The following PLEKHG1 variants were observed in gnomAD, a reference collection of about 807,000 sequenced individuals.
The protein encoded by PLEKHG1 is pleckstrin homology and RhoGEF domain containing G1, also known as pleckstrin homology domain-containing family G member 1.
PLEKHG1 carries 44 observed loss-of-function variants against 100.8 expected under a neutral mutation model. The observed-to-expected ratio is 0.44, with a 90% confidence interval of 0.34 to 0.56. The LOEUF is 0.56. Among genes scored for constraint, PLEKHG1 ranks in the 20% least tolerant of loss-of-function variants. The pLI is 0.01. For synonymous variants in PLEKHG1, 640 were observed against 662.5 expected (o/e 0.97, Z 0.52); for missense variants, 1,545 against 1,720.9 (o/e 0.90, Z 1.81).
At chr6:150,715,933 C>T (rs1328153605) in intron 3 of PLEKHG1, among the ~76,000 whole-genome samples, 3 of 147,682 alleles carry the variant, frequency 2.0e-5, no homozygotes, top group Non-Finnish European at 4.5e-5. Flanking sequence ...ACGGTGAAAC[C>T]CCGTCTCTAC....
intron 1 of PLEKHG1, among the ~76,000 whole-genome samples, chr6:150,607,880 A>G (rs571356952): frequency 2.0e-5 from 3 of 152,252 alleles, no homozygotes; most frequent in Admixed American, 1.3e-4. Flanking sequence ...ACTTTGGGAA[A>G]TATTTGGAAG....
intron 3 of PLEKHG1, among the ~76,000 whole-genome samples, chr6:150,671,110 T>TATATATATATATATATAC: frequency 8.2e-6 from 1 of 121,960 alleles, no homozygotes; most frequent in Non-Finnish European, 1.8e-5. Context: ...TATATATATA[T>TATATATATATATATATAC]ACACACACAC....
intron 1 of PLEKHG1, among the ~76,000 whole-genome samples, chr6:150,727,598 A>G (rs984596566): frequency 1.4e-5 from 2 of 138,972 alleles, no homozygotes; most frequent in Non-Finnish European, 3.1e-5. Flanking sequence ...TTTATTAAGG[A>G]TGGCACAAAA....
In PLEKHG1 at chr6:150,840,399, G is replaced by T. The variant is rs1268012695; in HGVS notation, c.3661G>T (p.Asp1221Tyr). The change falls in exon 16 of 16, where the codon GAC becomes TAC. Residue 1221 changes from aspartate (D) to tyrosine (Y), a missense_variant. Coordinates refer to ENST00000358517, the Ensembl canonical transcript of PLEKHG1. ...AAGTTCAAGGTGTGAGAGTCACCAGGACTTGCTGCCAGATATTGCTGACTC... is the reference window on the plus strand; with the variant it reads ...AAGTTCAAGGTGTGAGAGTCACCAGTACTTGCTGCCAGATATTGCTGACTC... The T allele has an allele frequency of 1.2e-5, 20 of 1,614,032 alleles. No individual in the cohort carries two copies. The Admixed American group carries it at 3.3e-4, about 27-fold the overall frequency.
intron 7 of PLEKHG1, 65 bp from the exon 9 acceptor site, chr6:150,809,040 G>A: frequency 4.9e-6 from 7 of 1,421,948 alleles, no homozygotes; most frequent in Non-Finnish European, 6.8e-6. Context: ...CAACAGATGG[G>A]CCACCAAGCC....
chr6:150,761,091 CTTTTTTTCTTTT>C (rs1289399492), intron 2 of PLEKHG1, among the ~76,000 whole-genome samples: 1 of 123,632 alleles, frequency 8.1e-6, no homozygotes, highest in African/African-American at 3.0e-5. Flanking sequence ...TGATTTCTTT[CTTTTTTTCTTTT>C]TTTTTTTTTT....
intron 7 of PLEKHG1, among the ~76,000 whole-genome samples, chr6:150,806,769 G>A (rs920574446): frequency 1.4e-5 from 2 of 142,422 alleles, no homozygotes; most frequent in Admixed American, 7.4e-5. Flanking sequence ...CAGAGAGGTT[G>A]CAGTGAGCTG....
intron 2 of PLEKHG1, among the ~76,000 whole-genome samples, chr6:150,741,839 G>T (rs1027294684): frequency 2.6e-5 from 4 of 152,198 alleles, no homozygotes; most frequent in Admixed American, 2.6e-4. Flanking sequence ...AGACGTTCTG[G>T]ACTGCATAGT....
chr6:150,640,717 A>G (rs1378374919), intron 2 of PLEKHG1, among the ~76,000 whole-genome samples: 2 of 152,060 alleles, frequency 1.3e-5, no homozygotes, highest in East Asian at 3.9e-4. Flanking sequence ...ACAATTTCCC[A>G]AAACTGCTCT....
At position 150,600,774 on chromosome 6, in the gene PLEKHG1, G is replaced by A. The variant is rs2128548266; in HGVS notation, c.-204+757G>A. On this transcript the variant is annotated intron_variant, in intron 1 of 3. Coordinates refer to the PLEKHG1 transcript ENST00000367326. The surrounding 1 kb of genome is among the most constrained non-coding windows in gnomAD (Gnocchi z 6.2). ...GGTGAGCCCCGTTCCGAAGCCGGAA[G>A]CTTGGGAACGCTCTAACTGGGAGAA... 1 of 152,416 alleles carries A rather than the reference G, an allele frequency of 6.6e-6. No homozygotes were observed. The highest frequency in any genetic ancestry group is 2.4e-5 in the African/African-American group (1 of 41,596). 9.4% of individuals were successfully genotyped at this position (152,416 alleles called of 1,614,324 possible). A position where few individuals can be genotyped will look rare whatever the true frequency, so the allele number is the denominator to read the frequency against.
chr6:150,835,674 T>A (rs967965120), intron 15 of PLEKHG1, among the ~76,000 whole-genome samples: 1 of 152,192 alleles, frequency 6.6e-6, no homozygotes, highest in Non-Finnish European at 1.5e-5. Flanking sequence ...CATCTCAGGC[T>A]GGCTGTTCCC....
chr6:150,713,687 C>T (rs1015301101), intron 3 of PLEKHG1, among the ~76,000 whole-genome samples: 7 of 152,284 alleles, frequency 4.6e-5, no homozygotes, highest in Admixed American at 3.3e-4. Context: ...CCCCTGCAAG[C>T]TACACTCCCT....
At chr6:150,712,862 A>G (rs1781288481) in intron 3 of PLEKHG1, among the ~76,000 whole-genome samples, 1 of 152,258 alleles carries the variant, frequency 6.6e-6, no homozygotes. Context: ...TTTACTGTCA[A>G]CATAAAGTTG....
intron 3 of PLEKHG1, among the ~76,000 whole-genome samples, chr6:150,692,623 A>G (rs1222739231): frequency 6.6e-6 from 1 of 152,250 alleles, no homozygotes; most frequent in Non-Finnish European, 1.5e-5. Flanking sequence ...TTAAATAATT[A>G]CTAAATGAAT....
chr6:150,813,166 G>A (rs557067676), intron 10 of PLEKHG1, among the ~76,000 whole-genome samples: 1 of 152,110 alleles, frequency 6.6e-6, no homozygotes, highest in South Asian at 2.1e-4. Context: ...TTAGCTAGGC[G>A]TGGTGGCGGG....
chr6:150,781,864 C>T (rs533167082), intron 3 of PLEKHG1, among the ~76,000 whole-genome samples: 29 of 151,592 alleles, frequency 1.9e-4, no homozygotes, highest in Non-Finnish European at 3.8e-4. Context: ...CTCCACCTCC[C>T]GGGTTCACGC....
chr6:150,780,974 A>G (rs1785278799), intron 3 of PLEKHG1, among the ~76,000 whole-genome samples: 1 of 151,728 alleles, frequency 6.6e-6, no homozygotes, highest in South Asian at 2.1e-4. Flanking sequence ...CCCGGGTTCA[A>G]GCAATTCTCC....
At chr6:150,629,055 G>C (rs918036247) in intron 1 of PLEKHG1, among the ~76,000 whole-genome samples, 7 of 152,196 alleles carry the variant, frequency 4.6e-5, no homozygotes, top group African/African-American at 1.7e-4. Context: ...CATGGAGCCT[G>C]TTTGGGTGTA....
chr6:150,620,959 C>CAATGCAAT (rs1382383613), intron 1 of PLEKHG1, among the ~76,000 whole-genome samples: 1 of 152,176 alleles, frequency 6.6e-6, no homozygotes, highest in Non-Finnish European at 1.5e-5. Flanking sequence ...GGAAATAAAA[C>CAATGCAAT]AATGCAATTT....
Sources: gnomAD v4.1 joint callset for allele counts (sites outside exome capture counted in the v4.1 genomes callset) on GRCh38, gnomAD v4.1.1 for gene constraint, Gnocchi (gnomAD v3.1) non-coding constraint, MANE v1.5 for transcripts, NCBI Gene and HGNC (gene_info 2026-07-23, HGNC 2026-07-21) for gene names.